The following AUTS2 variants were observed in gnomAD, a reference collection of about 807,000 sequenced individuals.
AUTS2 encodes activator of transcription and developmental regulator AUTS2.
A neutral mutation model predicts 112.4 loss-of-function variants in AUTS2; 17 were observed. The observed-to-expected ratio is 0.15, with a 90% confidence interval of 0.10 to 0.23. The LOEUF (loss-of-function observed/expected upper bound fraction) is 0.23, where lower values mean the gene tolerates loss of function less well. AUTS2 is among the 10% of genes least tolerant of loss of function. The pLI, the probability that AUTS2 is intolerant of heterozygous loss-of-function variation, is 1.00. For missense variants in AUTS2, 1,510 were observed against 1,701.6 expected (o/e 0.89, Z 1.98); for synonymous variants, 751 against 702.7 (o/e 1.07, Z -1.09).
chr7:70,120,311 A>G (rs1805616398), intron 3 of AUTS2: 1 of 152,194 alleles, frequency 6.6e-6, no homozygotes, highest in South Asian at 2.1e-4. Context: ...TATAGATAAT[A>G]ACCTCCCCTT....
intron 5 of AUTS2, among the ~76,000 whole-genome samples, chr7:70,507,121 A>G (rs1475730224): frequency 6.6e-6 from 1 of 152,234 alleles, no homozygotes; most frequent in African/African-American, 2.4e-5. Flanking sequence ...CCTTGAGGAA[A>G]TAAGTGTAAA....
At chr7:70,231,500 T>G (rs1362455548) in intron 4 of AUTS2, among the ~76,000 whole-genome samples, 2 of 152,188 alleles carry the variant, frequency 1.3e-5, no homozygotes, top group Non-Finnish European at 2.9e-5. Context: ...TGGAGTGCAG[T>G]GGCACGATCT....
At chr7:70,460,396 G>C (rs1046347783) in intron 5 of AUTS2, among the ~76,000 whole-genome samples, 8 of 133,536 alleles carry the variant, frequency 6.0e-5, no homozygotes, top group Non-Finnish European at 1.2e-4. Flanking sequence ...TGTCACCCAG[G>C]CTGGAGTGCA....
chr7:70,751,794 C>T (rs757054913), intron 6 of AUTS2, among the ~76,000 whole-genome samples: 4 of 152,116 alleles, frequency 2.6e-5, no homozygotes, highest in African/African-American at 9.7e-5. Context: ...GATCTCGGCT[C>T]ACTGCAACCT....
chr7:70,648,338 A>G (rs1399380243), intron 5 of AUTS2, among the ~76,000 whole-genome samples: 1 of 152,046 alleles, frequency 6.6e-6, no homozygotes, highest in Non-Finnish European at 1.5e-5. Flanking sequence ...TCTGGACTTC[A>G]GCTTTCTCAT....
intron 2 of AUTS2, among the ~76,000 whole-genome samples, chr7:70,076,033 T>C (rs1803012775): frequency 6.6e-6 from 1 of 152,222 alleles, no homozygotes; most frequent in South Asian, 2.1e-4. Flanking sequence ...GGATGTGTTC[T>C]AATAAAATAA....
intron 1 of AUTS2, among the ~76,000 whole-genome samples, chr7:69,766,109 C>T (rs574084878): frequency 2.0e-5 from 3 of 152,190 alleles, no homozygotes; most frequent in Non-Finnish European, 4.4e-5. Flanking sequence ...CGCCCATTCT[C>T]TGTTCTTCTT....
At chr7:69,814,753 G>A (rs1790686713) in intron 1 of AUTS2, among the ~76,000 whole-genome samples, 1 of 152,260 alleles carries the variant, frequency 6.6e-6, no homozygotes, top group Non-Finnish European at 1.5e-5. Context: ...AGCGGTATGG[G>A]CGAATGGAGC....
At chr7:69,742,985 C>T (rs1336320009) in intron 1 of AUTS2, among the ~76,000 whole-genome samples, 1 of 152,200 alleles carries the variant, frequency 6.6e-6, no homozygotes, top group African/African-American at 2.4e-5. Flanking sequence ...TAACTTTCTA[C>T]TCTACTGATG....
chr7:69,990,050 G>A (rs188207490), intron 2 of AUTS2, among the ~76,000 whole-genome samples: 1 of 152,236 alleles, frequency 6.6e-6, no homozygotes, highest in Non-Finnish European at 1.5e-5. Context: ...AAAATGGTTG[G>A]GGACCGCTGA....
At chr7:70,226,706 C>T (rs2129594546) in intron 4 of AUTS2, among the ~76,000 whole-genome samples, 1 of 152,254 alleles carries the variant, frequency 6.6e-6, no homozygotes, top group South Asian at 2.1e-4. Flanking sequence ...ATATCTACTA[C>T]ATGCTGGGTA....
intron 1 of AUTS2, among the ~76,000 whole-genome samples, chr7:69,823,619 A>G (rs967769798): frequency 2.6e-5 from 4 of 152,192 alleles, no homozygotes; most frequent in African/African-American, 9.7e-5. Context: ...ACATCAAAGT[A>G]CTATAGTTGT....
intron 5 of AUTS2, among the ~76,000 whole-genome samples, chr7:70,617,857 A>G (rs549128176): frequency 2.6e-5 from 4 of 152,296 alleles, no homozygotes; most frequent in South Asian, 2.1e-4. Flanking sequence ...CTCTCTGCAC[A>G]CCGCCTCTAC....
At chr7:69,720,324 A>G (rs893211559) in intron 1 of AUTS2, among the ~76,000 whole-genome samples, 1 of 152,194 alleles carries the variant, frequency 6.6e-6, no homozygotes, top group Non-Finnish European at 1.5e-5. Flanking sequence ...AGGCTTTCAA[A>G]TTGGTGGTGG....
At chr7:69,769,507 G>C (rs1425849928) in intron 1 of AUTS2, among the ~76,000 whole-genome samples, 1 of 152,188 alleles carries the variant, frequency 6.6e-6, no homozygotes, top group Non-Finnish European at 1.5e-5. Context: ...AATGGTGATG[G>C]AAATGCACCA....
At chr7:70,480,107 ATC>A (rs1196321977) in intron 5 of AUTS2, among the ~76,000 whole-genome samples, 1 of 152,212 alleles carries the variant, frequency 6.6e-6, no homozygotes, top group Admixed American at 6.5e-5. Flanking sequence ...ATCTTGGCAG[ATC>A]TCGCTCTCAC....
intron 1 of AUTS2, among the ~76,000 whole-genome samples, chr7:69,699,650 T>G (rs1334869594): frequency 2.0e-5 from 3 of 150,056 alleles, no homozygotes; most frequent in African/African-American, 2.5e-5. Flanking sequence ...TTTTTTTTTT[T>G]TTTTTTTTTT....
At position 69,913,181 on chromosome 7, in the gene AUTS2, G is replaced by A. The variant is rs981222111; in HGVS notation, c.522+13683G>A. 2.6e-5 allele frequency among the ~76,000 whole-genome samples: 4 copies of A among 152,086 alleles called. No individual in the cohort carries two copies. In the East Asian group the frequency reaches 7.7e-4, roughly 29 times the overall value. On this transcript the variant is annotated intron_variant, in intron 2 of 18. Coordinates refer to ENST00000342771, the MANE Select transcript of AUTS2 (RefSeq NM_015570.4). Reference sequence around the variant, plus strand: ...TAGAATATTCTTTTTTGACATATTTGTCTTCCATTGACTAGTTCAGACCCA... The same window carrying A: ...TAGAATATTCTTTTTTGACATATTTATCTTCCATTGACTAGTTCAGACCCA...
intron 4 of AUTS2, among the ~76,000 whole-genome samples, chr7:70,358,658 AG>A (rs1280430217): frequency 6.6e-6 from 1 of 152,228 alleles, no homozygotes; most frequent in Non-Finnish European, 1.5e-5. Flanking sequence ...CATGGTCCTA[AG>A]GGGGAATGTG....
Sources: allele counts gnomAD v4.1 joint callset (sites outside exome capture counted in the v4.1 genomes callset), GRCh38; gene constraint gnomAD v4.1.1; transcripts MANE v1.5; gene names NCBI Gene and HGNC (gene_info 2026-07-23, HGNC 2026-07-21).